CPEB1: variants seen among roughly 807,000 people sequenced by gnomAD.
CPEB1 encodes cytoplasmic polyadenylation element binding protein 1.
A neutral mutation model predicts 65.8 loss-of-function variants in CPEB1; 7 were observed. That is an observed-to-expected ratio of 0.11 (90% confidence interval 0.06 to 0.20). CPEB1 has a LOEUF of 0.20. Among genes scored for constraint, CPEB1 ranks in the 10% least tolerant of loss-of-function variants. The probability of loss-of-function intolerance (pLI) is 1.00; values close to 1 mark genes in which losing one functional copy is unlikely to be tolerated. For missense variants in CPEB1, 551 were observed against 712.2 expected, an observed-to-expected ratio of 0.77 and a Z score of 2.58; for synonymous variants, 262 against 260.0, an observed-to-expected ratio of 1.01 and a Z score of -0.08.
chr15:82,591,216 C>T (rs2042225545), intron 3 of CPEB1, among the ~76,000 whole-genome samples: 1 of 152,112 alleles, frequency 6.6e-6, no homozygotes, highest in Admixed American at 6.5e-5. Context: ...GCCATCCTGA[C>T]TGGTGTGAGG....
At position 82,589,526 on chromosome 15, in the gene CPEB1, T is replaced by G. The variant is rs558008008; in HGVS notation, c.272-17994A>C. Among the ~76,000 whole-genome samples, 14 of 152,236 alleles carry G rather than the reference T, an allele frequency of 9.2e-5. No individual in the cohort carries two copies. In the South Asian group the frequency reaches 2.3e-3, roughly 25 times the overall value. On this transcript the variant is annotated intron_variant, in intron 3 of 12. Coordinates refer to ENST00000684509, the MANE Select transcript of CPEB1 (RefSeq NM_001365242.1). The stretch of plus-strand genomic sequence containing the variant: ...TGGGAGGCAGAGGCGGGTGGATCAC[T>G]TGAAGTCAGGAGTTTAGGACCAGCC...
intron 7 of CPEB1, 116 bp downstream of exon 7, chr15:82,553,762 G>A (rs1397563945): frequency 8.6e-6 from 7 of 812,324 alleles, no homozygotes; most frequent in Non-Finnish European, 1.5e-5. Context: ...AGACACTCAT[G>A]TAATACCCTG....
intron 6 of CPEB1, among the ~76,000 whole-genome samples, chr15:82,555,017 A>G (rs1197507095): frequency 6.6e-6 from 1 of 152,208 alleles, no homozygotes; most frequent in African/African-American, 2.4e-5. Flanking sequence ...CTGTGAGCAA[A>G]CAGACACACT....
chr15:82,618,903 C>T (rs2045026488), intron 3 of CPEB1, among the ~76,000 whole-genome samples: 2 of 152,172 alleles, frequency 1.3e-5, no homozygotes, highest in South Asian at 4.1e-4. Context: ...TCAACGCAAT[C>T]CCAATCAAAA....
chr15:82,645,202 G>A (rs1469920759), intron 1 of CPEB1, among the ~76,000 whole-genome samples: 2 of 152,214 alleles, frequency 1.3e-5, no homozygotes, highest in East Asian at 3.9e-4. Flanking sequence ...CGTTCAGGCT[G>A]GAGTGCAGTG....
chr15:82,549,505 C>T lies in CPEB1; in HGVS notation c.1435G>A (p.Val479Met). The T allele has an allele frequency of 6.2e-7, 1 of 1,614,232 alleles. No individual in the cohort carries two copies. The highest frequency in any genetic ancestry group is 8.5e-7 in the Non-Finnish European group (1 of 1,180,050). Residue 479 changes from valine to methionine, a missense_variant, in exon 10 of 13, where the codon GTG becomes ATG. By Grantham distance (21) the Val-to-Met change is conservative. Transcript: ENST00000684509. ...AAILNDLFGG[V>M]VYAGIDTDKH... ...TCTGTGTCAATCCCGGCATACACCA[C>T]TCCACCAAATAGGTCGTTCAAGATG...
intron 5 of CPEB1, 129 bp from the exon 6 acceptor site, chr15:82,556,251 T>G: frequency 9.2e-7 from 1 of 1,092,156 alleles, no homozygotes; most frequent in South Asian, 1.9e-5. Context: ...TTAGACTTTC[T>G]TCCTGAGCAA....
chr15:82,612,585 C>T (rs545344874), intron 3 of CPEB1, among the ~76,000 whole-genome samples: 66 of 151,718 alleles, frequency 4.4e-4, no homozygotes, highest in African/African-American at 1.5e-3. Flanking sequence ...ACCTGTAATC[C>T]CAGCACTTTG....
intron 3 of CPEB1, among the ~76,000 whole-genome samples, chr15:82,614,879 G>GTGTGTGTGTATA (rs368957489): frequency 8.8e-6 from 1 of 113,196 alleles, no homozygotes; most frequent in African/African-American, 2.9e-5. Context: ...GTGTGTGTGT[G>GTGTGTGTGTATA]TATATATATA....
intron 1 of CPEB1, among the ~76,000 whole-genome samples, chr15:82,633,452 A>G (rs2046415966): frequency 6.6e-6 from 1 of 152,200 alleles, no homozygotes; most frequent in South Asian, 2.1e-4. Flanking sequence ...CGCTCTCTGT[A>G]ACCTCTGCCT....
At chr15:82,628,786 T>C in intron 1 of CPEB1, 1 of 236,162 alleles carries the variant, frequency 4.2e-6, no homozygotes, top group South Asian at 9.9e-5. Flanking sequence ...TATGAAGATC[T>C]TTATGATTCA....
chr15:82,638,019 C>T (rs146205408), intron 1 of CPEB1: 1 of 450,696 alleles, frequency 2.2e-6, no homozygotes, highest in Admixed American at 2.4e-5. Context: ...TCTTTAGTAT[C>T]TGGTTTAATA....
intron 1 of CPEB1, chr15:82,640,574 T>C (rs548765333): frequency 2.6e-5 from 4 of 152,300 alleles, no homozygotes; most frequent in African/African-American, 9.6e-5. Context: ...TTTAAATCTT[T>C]TACCTGCCTA....
upstream of CPEB1, chr15:82,647,567 G>A (rs2047683061): frequency 3.2e-6 from 1 of 311,160 alleles, no homozygotes. Context: ...GACGCTCGAG[G>A]CCGCCTGGAG....
At chr15:82,562,536 T>C (rs1480831831) in intron 4 of CPEB1, among the ~76,000 whole-genome samples, 2 of 152,214 alleles carry the variant, frequency 1.3e-5, no homozygotes, top group Non-Finnish European at 2.9e-5. Flanking sequence ...TTATTTCCTC[T>C]GACTTAAAGA....
chr15:82,641,584 G>C (rs2151385036), intron 1 of CPEB1: 1 of 152,232 alleles, frequency 6.6e-6, no homozygotes, highest in South Asian at 2.1e-4. Flanking sequence ...AAAATCAATA[G>C]CTACTTGCAA....
intron 1 of CPEB1, among the ~76,000 whole-genome samples, chr15:82,637,099 G>T (rs1022251404): frequency 6.6e-6 from 1 of 152,132 alleles, no homozygotes; most frequent in Non-Finnish European, 1.5e-5. Flanking sequence ...TTGGAGTCTG[G>T]GATTCTGATT....
chr15:82,645,551 T>C (rs188238261), intron 1 of CPEB1, among the ~76,000 whole-genome samples: 1 of 152,214 alleles, frequency 6.6e-6, no homozygotes, highest in African/African-American at 2.4e-5. Flanking sequence ...ACCCAAAGTT[T>C]AAATCGCCGT....
intron 1 of CPEB1, among the ~76,000 whole-genome samples, chr15:82,636,503 A>C (rs2046670231): frequency 6.6e-6 from 1 of 152,132 alleles, no homozygotes. Context: ...TGCTCTCTTA[A>C]CTCAGTGTGG....
Sources: gnomAD v4.1 joint callset for allele counts (sites outside exome capture counted in the v4.1 genomes callset) on GRCh38, gnomAD v4.1.1 for gene constraint, MANE v1.5 for transcripts, NCBI Gene and HGNC (gene_info 2026-07-23, HGNC 2026-07-21) for gene names.